Variants in REDIC1 observed in about 807,000 individuals in gnomAD.
REDIC1 encodes HEI10 Interacting Protein 1.
the REDIC1 span, chr12:39,646,530 GA>G: frequency 5.7e-6 from 8 of 1,403,814 alleles, no homozygotes; most frequent in African/African-American, 7.5e-5. Flanking sequence ...TTACTCACTC[GA>G]AAATGTATAA....
the REDIC1 span, among the ~76,000 whole-genome samples, chr12:39,711,876 CAT>C: frequency 4.2e-5 from 1 of 24,034 alleles, no homozygotes; most frequent in Non-Finnish European, 1.2e-4. Context: ...CACGTATACA[CAT>C]GCATGTGTAT....
the REDIC1 span, chr12:39,626,468 A>T: frequency 7.1e-7 from 1 of 1,413,664 alleles, no homozygotes; most frequent in Non-Finnish European, 9.8e-7. Flanking sequence ...TTGGTAGGAA[A>T]GGGTCTTTTT....
the REDIC1 span, among the ~76,000 whole-genome samples, chr12:39,749,040 G>C: frequency 6.6e-6 from 1 of 152,064 alleles, no homozygotes; most frequent in Non-Finnish European, 1.5e-5. Context: ...ACATTCAAAA[G>C]CTAGCAGAAG....
the REDIC1 span, among the ~76,000 whole-genome samples, chr12:39,708,367 T>C: frequency 2.0e-5 from 3 of 151,878 alleles, no homozygotes; most frequent in African/African-American, 7.2e-5. Context: ...TAGTTTAATA[T>C]TGGTTTTTGA....
At chr12:39,821,134 T>G in the REDIC1 span, among the ~76,000 whole-genome samples, 6 of 152,144 alleles carry the variant, frequency 3.9e-5, no homozygotes, top group East Asian at 1.2e-3. Context: ...TCAAAAAAAA[T>G]TTTTCGCAGT....
chr12:39,837,315 C>T, the REDIC1 span, among the ~76,000 whole-genome samples: 1 of 146,820 alleles, frequency 6.8e-6, no homozygotes, highest in East Asian at 2.0e-4. Context: ...GGATCCCTTC[C>T]TTACACCTTA....
At chr12:39,712,707 GTATA>G in the REDIC1 span, among the ~76,000 whole-genome samples, 1 of 4,278 alleles carries the variant, frequency 2.3e-4, no homozygotes, top group Non-Finnish European at 5.7e-4. Context: ...GTGTATATAT[GTATA>G]TAGACGTATA....
chr12:39,630,940 T>C, the REDIC1 span, among the ~76,000 whole-genome samples: 1 of 152,332 alleles, frequency 6.6e-6, no homozygotes, highest in South Asian at 2.1e-4. Context: ...ATGCCCAGTT[T>C]AGCATTTGTC....
the REDIC1 span, chr12:39,736,802 A>G: frequency 0.21 from 31,526 of 152,126 alleles, 4,003 homozygotes; most frequent in East Asian, 0.38. Context: ...GGACCACACA[A>G]AGATTGACAG....
chr12:39,742,772 C>G, the REDIC1 span, among the ~76,000 whole-genome samples: 2 of 152,170 alleles, frequency 1.3e-5, no homozygotes, highest in Non-Finnish European at 2.9e-5. Context: ...TCCTCACAAA[C>G]TGAAAATCAG....
chr12:39,688,512 G>C, the REDIC1 span, among the ~76,000 whole-genome samples: 1 of 152,178 alleles, frequency 6.6e-6, no homozygotes, highest in African/African-American at 2.4e-5. Flanking sequence ...AAGGGTGCAG[G>C]AGTGGCCTAG....
chr12:39,847,894 G>C, the REDIC1 span, among the ~76,000 whole-genome samples: 1 of 152,074 alleles, frequency 6.6e-6, no homozygotes, highest in Non-Finnish European at 1.5e-5. Flanking sequence ...ATATATACTT[G>C]TGTACGGGTT....
At chr12:39,731,856 G>A in the REDIC1 span, among the ~76,000 whole-genome samples, 1 of 135,078 alleles carries the variant, frequency 7.4e-6, no homozygotes, top group Non-Finnish European at 1.6e-5. Flanking sequence ...TTCAATTTCA[G>A]TTGTTTTATT....
chr12:39,746,788 C>G, the REDIC1 span, among the ~76,000 whole-genome samples: 1 of 152,244 alleles, frequency 6.6e-6, no homozygotes, highest in Non-Finnish European at 1.5e-5. Flanking sequence ...TGTTATGCAG[C>G]CTCCGCTGCT....
the REDIC1 span, among the ~76,000 whole-genome samples, chr12:39,782,253 G>A: frequency 6.6e-6 from 1 of 152,172 alleles, no homozygotes; most frequent in African/African-American, 2.4e-5. Context: ...GTTTGGCTGT[G>A]TCCCCACTCA....
chr12:39,869,210 TGTGA>T, the REDIC1 span, among the ~76,000 whole-genome samples: 1 of 152,188 alleles, frequency 6.6e-6, no homozygotes, highest in East Asian at 1.9e-4. Context: ...AAAAATCAAT[TGTGA>T]GTGAGGGTCA....
At chr12:39,665,599 A>G in the REDIC1 span, among the ~76,000 whole-genome samples, 7 of 149,948 alleles carry the variant, frequency 4.7e-5, no homozygotes, top group African/African-American at 1.7e-4. Flanking sequence ...GTTTTTTCCA[A>G]TTCTGTGAAG....
chr12:39,773,761 C>T, the REDIC1 span, among the ~76,000 whole-genome samples: 1 of 152,152 alleles, frequency 6.6e-6, no homozygotes, highest in Non-Finnish European at 1.5e-5. Flanking sequence ...TGTATAAAAA[C>T]CAAAACTTCC....
chr12:39,626,593 C>G, the REDIC1 span, among the ~76,000 whole-genome samples: 2 of 152,222 alleles, frequency 1.3e-5, no homozygotes, highest in Non-Finnish European at 2.9e-5. Context: ...GTGGGGGCCA[C>G]TGTGAGTAAC....
Sources: gnomAD v4.1 joint callset for allele counts (sites outside exome capture counted in the v4.1 genomes callset) on GRCh38, gnomAD v4.1.1 for gene constraint, MANE v1.5 for transcripts, NCBI Gene and HGNC (gene_info 2026-07-23, HGNC 2026-07-21) for gene names.